Variants in TTC6 observed in about 807,000 individuals in gnomAD.
TTC6 encodes tetratricopeptide repeat protein 6.
Under a neutral mutation model 210.4 loss-of-function variants are expected in TTC6, and 172 were observed. That is an observed-to-expected ratio of 0.82 (90% CI 0.72 to 0.93). The LOEUF (loss-of-function observed/expected upper bound fraction) is 0.93. Among genes scored for constraint, TTC6 ranks in the 40% least tolerant of loss-of-function variants. The pLI, the probability that TTC6 is intolerant of heterozygous loss-of-function variation, is 0.00. For missense variants in TTC6, 2,414 were observed against 2,318.1 expected (o/e 1.04, Z -0.85); for synonymous variants, 804 against 819.6 (o/e 0.98, Z 0.32).
chr14:37,601,387 T>G (rs779803010), intron 1 of TTC6, among the ~76,000 whole-genome samples: 1 of 152,216 alleles, frequency 6.6e-6, no homozygotes, highest in Admixed American at 6.5e-5. Context: ...CATAGTAGAC[T>G]TTGAATAAAG....
intron 14 of TTC6, among the ~76,000 whole-genome samples, chr14:37,780,363 A>G (rs117843774): frequency 0.12 from 17,817 of 152,210 alleles, 1,376 homozygotes; most frequent in Non-Finnish European, 0.18. Context: ...TGTTAAGCCC[A>G]GTATCCATTA....
intron 26 of TTC6, 138 bp downstream of exon 28, chr14:37,817,789 G>C: frequency 1.2e-6 from 1 of 800,848 alleles, no homozygotes; most frequent in South Asian, 1.7e-5. Context: ...AAAATGGGGA[G>C]GGACACAAAG....
intron 1 of TTC6, among the ~76,000 whole-genome samples, chr14:37,627,273 A>G (rs2095661970): frequency 6.6e-6 from 1 of 150,888 alleles, no homozygotes; most frequent in Non-Finnish European, 1.5e-5. Flanking sequence ...TAAATTACCC[A>G]GTCTCTGGTA....
At chr14:37,730,399 T>G (rs76003649) in intron 7 of TTC6, among the ~76,000 whole-genome samples, 2,347 of 152,282 alleles carry the variant, frequency 0.015, 28 homozygotes, top group Middle Eastern at 0.054. Context: ...AATCAGAATT[T>G]ATATCCTTTC....
chr14:37,664,101 C>G (rs2095743150), intron 1 of TTC6, among the ~76,000 whole-genome samples: 1 of 150,508 alleles, frequency 6.6e-6, no homozygotes, highest in African/African-American at 2.4e-5. Context: ...AGATTTAATG[C>G]TATTCCCATT....
chr14:37,647,404 A>G (rs184152996), intron 1 of TTC6, among the ~76,000 whole-genome samples: 2 of 152,330 alleles, frequency 1.3e-5, no homozygotes, highest in East Asian at 3.9e-4. Context: ...GAAGGATGTG[A>G]GAAATGGTCA....
intron 10 of TTC6, among the ~76,000 whole-genome samples, chr14:37,745,679 AAACGTC>A (rs1268254224): frequency 2.0e-5 from 3 of 152,196 alleles, no homozygotes; most frequent in African/African-American, 7.2e-5. Context: ...TTTGATTGAT[AAACGTC>A]AGTGGGATTT....
At chr14:37,827,347 A>G in exon 29 of TTC6, 9 of 1,612,444 alleles carry the variant, frequency 5.6e-6, no homozygotes, top group Non-Finnish European at 5.9e-6. Context: ...ATCTACTTTC[A>G]CCACAGGCAG....
rs573886017 is a variant in TTC6 at position 37,633,171 on chromosome 14, G to T, written c.939+10168G>T. Among the ~76,000 whole-genome samples the T allele has an allele frequency of 3.3e-5, 5 of 152,312 alleles. No individual in the cohort carries two copies. The South Asian group carries it at 1.0e-3, about 32-fold the overall frequency. ...GGTGTTCCAGGTGCCACTGGGGTAT[G>T]AAATAAAAACTCCTGAAGCTAGCTT... On this transcript the variant is annotated intron_variant, in intron 1 of 30. Transcript: ENST00000553443.
intron 1 of TTC6, among the ~76,000 whole-genome samples, chr14:37,599,179 C>T (rs1028764448): frequency 1.3e-5 from 2 of 152,220 alleles, no homozygotes; most frequent in African/African-American, 4.8e-5. Flanking sequence ...ACTGCGGTCC[C>T]CCGCGAGAGA....
exon 12 of TTC6, chr14:37,749,821 T>C (rs1366311024): frequency 2.1e-5 from 30 of 1,408,506 alleles, no homozygotes; most frequent in Non-Finnish European, 2.7e-5. Flanking sequence ...ATTATATACA[T>C]AAATATAATA....
chr14:37,761,868 C>T (rs2095985571), intron 14 of TTC6, among the ~76,000 whole-genome samples: 1 of 152,236 alleles, frequency 6.6e-6, no homozygotes, highest in East Asian at 1.9e-4. Flanking sequence ...TACATGTATA[C>T]AATCTGTGAT....
chr14:37,803,808 A>C (rs2096112373), intron 20 of TTC6, among the ~76,000 whole-genome samples: 1 of 152,182 alleles, frequency 6.6e-6, no homozygotes, highest in African/African-American at 2.4e-5. Context: ...TTTCTAGGCA[A>C]GGTCATGTGC....
At chr14:37,631,133 G>A (rs2095669225) in intron 1 of TTC6, among the ~76,000 whole-genome samples, 1 of 151,714 alleles carries the variant, frequency 6.6e-6, no homozygotes, top group South Asian at 2.1e-4. Flanking sequence ...ATTGTTATGT[G>A]TGAATTTGAT....
intron 10 of TTC6, among the ~76,000 whole-genome samples, chr14:37,745,016 CCA>C (rs968168857): frequency 9.9e-5 from 15 of 151,012 alleles, no homozygotes; most frequent in African/African-American, 2.9e-4. Context: ...ACACACACAC[CCA>C]CACACACACA....
Position 37,606,745 on chromosome 14 carries a change from A to G in TTC6, c.-155+3A>G. ...GAACAAGGATTCATGGAAGTGAGGT[A>G]TGATGTCTTCAGTTCTTTCCAGTTC... On this transcript the variant is annotated splice_donor_region_variant and intron_variant, in intron 2 of 2. Coordinates refer to the TTC6 transcript ENST00000556845. 1.0e-6 allele frequency: 1 copy of G among 985,280 alleles called. No homozygotes were observed. The highest frequency in any genetic ancestry group is 1.7e-5 in the African/African-American group (1 of 57,310). The allele number at this position is 985,280 out of a possible 1,614,324, so 61.0% of individuals were successfully genotyped here.
chr14:37,637,982 G>A (rs560207982), intron 1 of TTC6, among the ~76,000 whole-genome samples: 1 of 152,154 alleles, frequency 6.6e-6, no homozygotes, highest in African/African-American at 2.4e-5. Context: ...GCACTCCTGG[G>A]CATTTATTGC....
chr14:37,779,370 C>CGT (rs5807970), intron 14 of TTC6, among the ~76,000 whole-genome samples: 9 of 151,866 alleles, frequency 5.9e-5, no homozygotes, highest in African/African-American at 1.7e-4. Context: ...GCTTAGAAGT[C>CGT]TTTTTTTTGG....
intron 29 of TTC6, among the ~76,000 whole-genome samples, chr14:37,833,988 A>C (rs1411579265): frequency 6.6e-6 from 1 of 152,132 alleles, no homozygotes; most frequent in Non-Finnish European, 1.5e-5. Context: ...TCTTCCCCCC[A>C]ACCCCTCAGC....
Sources: gnomAD v4.1 joint callset for allele counts (sites outside exome capture counted in the v4.1 genomes callset) on GRCh38, gnomAD v4.1.1 for gene constraint, MANE v1.5 for transcripts, NCBI Gene and HGNC (gene_info 2026-07-23, HGNC 2026-07-21) for gene names.